NBAS: variants seen among roughly 807,000 people sequenced by gnomAD.
The protein encoded by NBAS is NBAS subunit of NRZ tethering complex.
NBAS carries 219 observed loss-of-function variants against 302.5 expected under a neutral mutation model. The ratio of observed to expected loss-of-function variants is 0.72; its 90% CI spans 0.65 to 0.81. The LOEUF is 0.81. Ranked by LOEUF, NBAS falls within the 30% of genes least tolerant of loss-of-function variation. The probability of loss-of-function intolerance (pLI) is 0.00; values close to 1 mark genes in which losing one functional copy is unlikely to be tolerated. For missense variants in NBAS, 2,932 were observed against 2,841.6 expected (o/e 1.03, Z -0.72); for synonymous variants, 1,118 against 1,021.6 (o/e 1.09, Z -1.80).
the NBAS span, among the ~76,000 whole-genome samples, chr2:15,120,085 G>A: frequency 6.6e-6 from 1 of 152,188 alleles, no homozygotes; most frequent in Non-Finnish European, 1.5e-5. Flanking sequence ...GCCCCTGGCA[G>A]CACAAGTTGA....
chr2:14,983,069 C>G, the NBAS span, among the ~76,000 whole-genome samples: 10 of 152,326 alleles, frequency 6.6e-5, no homozygotes, highest in South Asian at 2.1e-3. Flanking sequence ...ACTGTCAGCT[C>G]CACCACTTAT....
At chr2:14,794,043 G>C in the NBAS span, among the ~76,000 whole-genome samples, 3 of 152,210 alleles carry the variant, frequency 2.0e-5, no homozygotes, top group South Asian at 6.2e-4. Flanking sequence ...CACTCTTAAA[G>C]ACTGCCTAAA....
chr2:15,509,946 T>C (rs1662061535), intron 10 of NBAS, among the ~76,000 whole-genome samples: 1 of 152,100 alleles, frequency 6.6e-6, no homozygotes, highest in Admixed American at 6.5e-5. Context: ...GCCTCCCAGG[T>C]TCAATCGATT....
intron 47 of NBAS, among the ~76,000 whole-genome samples, chr2:15,220,180 T>C (rs1666885686): frequency 1.6e-5 from 2 of 124,382 alleles, no homozygotes; most frequent in African/African-American, 3.0e-5. Flanking sequence ...GGCGGGGGGC[T>C]GACCCCCCCA....
chr2:15,036,737 C>G, the NBAS span, among the ~76,000 whole-genome samples: 1 of 152,200 alleles, frequency 6.6e-6, no homozygotes, highest in Non-Finnish European at 1.5e-5. Context: ...TTGGTACTCA[C>G]GCAGCTCCTC....
chr2:15,055,179 A>G, the NBAS span, among the ~76,000 whole-genome samples: 1 of 152,208 alleles, frequency 6.6e-6, no homozygotes, highest in Admixed American at 6.5e-5. Context: ...ACGAACAAGC[A>G]TCAATATTTT....
chr2:14,784,603 A>T, the NBAS span, among the ~76,000 whole-genome samples: 1 of 152,030 alleles, frequency 6.6e-6, no homozygotes, highest in Admixed American at 6.6e-5. Flanking sequence ...GTTTTTTCTC[A>T]GCTTTGTCAA....
intron 6 of NBAS, among the ~76,000 whole-genome samples, chr2:15,541,787 C>A (rs1416607481): frequency 1.4e-4 from 17 of 118,726 alleles, no homozygotes; most frequent in Non-Finnish European, 3.2e-4. Flanking sequence ...GCCAGTCGCC[C>A]CGTCCGGGAG....
At chr2:14,950,383 T>C in the NBAS span, among the ~76,000 whole-genome samples, 1 of 152,348 alleles carries the variant, frequency 6.6e-6, no homozygotes. Flanking sequence ...CATCATATTG[T>C]ACATTTCAAA....
At chr2:14,955,386 C>T in the NBAS span, among the ~76,000 whole-genome samples, 2 of 152,156 alleles carry the variant, frequency 1.3e-5, no homozygotes, top group African/African-American at 4.8e-5. Flanking sequence ...TGCAAGCTGT[C>T]GGTGGATTTA....
intron 10 of NBAS, among the ~76,000 whole-genome samples, chr2:15,505,404 G>C (rs1162530347): frequency 6.6e-6 from 1 of 152,194 alleles, no homozygotes; most frequent in Non-Finnish European, 1.5e-5. Context: ...GAAGAGGCAG[G>C]CTTCCAAACA....
intron 7 of NBAS, among the ~76,000 whole-genome samples, chr2:15,537,755 T>C (rs1270382612): frequency 6.6e-6 from 1 of 152,236 alleles, no homozygotes; most frequent in East Asian, 1.9e-4. Context: ...ACCACTTCTT[T>C]GAGCTTTCAC....
Position 15,240,864 on chromosome 2 carries a change from G to A in NBAS, c.5725-2178C>T, listed in dbSNP as rs549624073. Among the ~76,000 whole-genome samples the A allele has an allele frequency of 2.6e-5, 4 of 152,196 alleles. No homozygotes were observed. In the South Asian group the frequency reaches 8.3e-4, roughly 32 times the overall value. ...TACTGTGTTTGCCCACAAATAAACT[G>A]TTAACTCCTCCCTGTGATTCAGAAG... On this transcript the variant is annotated intron_variant, in intron 44 of 51. Coordinates refer to ENST00000281513, the MANE Select transcript of NBAS (RefSeq NM_015909.4).
the NBAS span, among the ~76,000 whole-genome samples, chr2:15,087,600 G>A: frequency 1.3e-5 from 2 of 152,196 alleles, no homozygotes; most frequent in Admixed American, 1.3e-4. Flanking sequence ...AACCTCTGAA[G>A]CACCAAGAAA....
At chr2:15,254,091 T>C (rs1668478521) in intron 44 of NBAS, among the ~76,000 whole-genome samples, 1 of 152,106 alleles carries the variant, frequency 6.6e-6, no homozygotes, top group Non-Finnish European at 1.5e-5. Flanking sequence ...ACTTCTCCAA[T>C]TACTCCTGCA....
the NBAS span, among the ~76,000 whole-genome samples, chr2:15,074,570 ATAAC>A: frequency 6.6e-6 from 1 of 152,070 alleles, no homozygotes; most frequent in African/African-American, 2.4e-5. Flanking sequence ...ATAAAAATGA[ATAAC>A]TATAATATAG....
chr2:14,791,834 A>AAAT, the NBAS span, among the ~76,000 whole-genome samples: 1 of 147,770 alleles, frequency 6.8e-6, no homozygotes, highest in African/African-American at 2.5e-5. Flanking sequence ...ATAAATAAAT[A>AAAT]AATAAATAAA....
intron 35 of NBAS, among the ~76,000 whole-genome samples, chr2:15,335,899 C>T (rs1296978843): frequency 6.6e-6 from 1 of 151,968 alleles, no homozygotes; most frequent in Non-Finnish European, 1.5e-5. Flanking sequence ...GATCTCCAGC[C>T]TGGCAACAAA....
Position 15,183,252 on chromosome 2 carries a change from T to C in NBAS, c.6711+3490A>G, listed in dbSNP as rs545953904. On this transcript the variant is annotated intron_variant, in intron 50 of 51. Transcript: ENST00000281513. ...TTTAGCCATCAGTAAAAACAGTACA[T>C]ACCATTTGCAAATAGCCTCTAATCA... 3.9e-5 allele frequency among the ~76,000 whole-genome samples: 6 copies of C among 152,278 alleles called. No individual in the cohort carries two copies. The East Asian group carries it at 5.8e-4, about 15-fold the overall frequency.
Sources: allele counts gnomAD v4.1 joint callset (sites outside exome capture counted in the v4.1 genomes callset), GRCh38; gene constraint gnomAD v4.1.1; transcripts MANE v1.5; gene names NCBI Gene and HGNC (gene_info 2026-07-23, HGNC 2026-07-21).